ACKR2: variants seen among roughly 807,000 people sequenced by gnomAD.
The protein encoded by ACKR2 is C-C chemokine receptor D6.
For missense variants in ACKR2, 457 were observed against 477.3 expected, an observed-to-expected ratio of 0.96 and a Z score of 0.40; for synonymous variants, 207 against 192.2, an observed-to-expected ratio of 1.08 and a Z score of -0.64.
intron 2 of ACKR2, among the ~76,000 whole-genome samples, chr3:42,832,209 C>T (rs1478839168): frequency 2.0e-5 from 3 of 152,122 alleles, no homozygotes; most frequent in East Asian, 3.9e-4. Context: ...TGCCATCAGG[C>T]TAGGCGTGGT....
chr3:42,840,362 C>G (rs1439898918), intron 2 of ACKR2, among the ~76,000 whole-genome samples: 1 of 150,662 alleles, frequency 6.6e-6, no homozygotes, highest in Non-Finnish European at 1.5e-5. Flanking sequence ...GTTCGCCAGG[C>G]TGAGGGAGAC....
intron 2 of ACKR2, among the ~76,000 whole-genome samples, chr3:42,823,485 T>A (rs1700830326): frequency 6.6e-6 from 1 of 152,214 alleles, no homozygotes; most frequent in Non-Finnish European, 1.5e-5. Flanking sequence ...CCTTCGTGTC[T>A]CCAGTCATTC....
rs570651002 is a variant in ACKR2 at position 42,859,023 on chromosome 3, A to G, written c.-37-5443A>G. 3.3e-5 allele frequency among the ~76,000 whole-genome samples: 5 copies of G among 152,266 alleles called. 1 individual carries two copies. The highest frequency in any genetic ancestry group is 9.6e-5 in the African/African-American group (4 of 41,574). ...CAAAGCCTCCAAGAAATATGAGACT[A>G]TGTGAAAAGACCAAGCCTACGTTTG... On this transcript the variant is annotated intron_variant, in intron 2 of 2. Transcript: ENST00000422265.
intron 1 of ACKR2, among the ~76,000 whole-genome samples, chr3:42,809,877 G>T (rs1399296033): frequency 6.6e-6 from 1 of 150,472 alleles, no homozygotes; most frequent in Non-Finnish European, 1.5e-5. Context: ...AAAAAAAAAA[G>T]TTGGGGAAGC....
intron 2 of ACKR2, among the ~76,000 whole-genome samples, chr3:42,831,210 G>A (rs1700929039): frequency 1.3e-5 from 2 of 152,136 alleles, no homozygotes; most frequent in African/African-American, 4.8e-5. Context: ...GCTCACCTAG[G>A]AGAAGTTGCA....
intron 2 of ACKR2, among the ~76,000 whole-genome samples, chr3:42,820,638 C>CAA (rs1328603141): frequency 1.4e-5 from 2 of 145,034 alleles, no homozygotes; most frequent in African/African-American, 5.1e-5. Context: ...ACCCAACAGT[C>CAA]AAATGTTAGC....
At chr3:42,837,621 C>G (rs1332935221) in intron 2 of ACKR2, among the ~76,000 whole-genome samples, 1 of 152,064 alleles carries the variant, frequency 6.6e-6, no homozygotes, top group African/African-American at 2.4e-5. Context: ...TCTCCAGGTC[C>G]CTGGCAGATT....
chr3:42,809,698 C>T (rs935859072), intron 1 of ACKR2, among the ~76,000 whole-genome samples, 166 bp downstream of exon 1: 4 of 152,044 alleles, frequency 2.6e-5, no homozygotes, highest in South Asian at 4.1e-4. Flanking sequence ...CCCATCTCTA[C>T]TAAAAATACA....
intron 2 of ACKR2, among the ~76,000 whole-genome samples, chr3:42,862,220 A>G (rs1050972609): frequency 6.6e-6 from 1 of 152,228 alleles, no homozygotes; most frequent in African/African-American, 2.4e-5. Flanking sequence ...TACAACAGTA[A>G]CAGACAGAGA....
intron 2 of ACKR2, among the ~76,000 whole-genome samples, chr3:42,846,128 G>A (rs1385284432): frequency 5.3e-5 from 8 of 152,068 alleles, no homozygotes; most frequent in Non-Finnish European, 1.0e-4. Context: ...TACATGTAAT[G>A]CACTTGAAAC....
intron 2 of ACKR2, among the ~76,000 whole-genome samples, chr3:42,850,320 C>T (rs898049686): frequency 1.3e-5 from 2 of 152,112 alleles, no homozygotes; most frequent in African/African-American, 2.4e-5. Context: ...CTTCTTGGGA[C>T]ATTCCGTTCT....
intron 2 of ACKR2, among the ~76,000 whole-genome samples, chr3:42,857,036 C>T (rs2088328230): frequency 6.6e-6 from 1 of 151,924 alleles, no homozygotes; most frequent in African/African-American, 2.4e-5. Context: ...GGACACTTAA[C>T]CGTGGACAGT....
chr3:42,827,454 G>C (rs1325889290), intron 2 of ACKR2, among the ~76,000 whole-genome samples: 1 of 152,108 alleles, frequency 6.6e-6, no homozygotes, highest in Non-Finnish European at 1.5e-5. Context: ...GAGCCATGTT[G>C]TAACTGTATC....
intron 2 of ACKR2, chr3:42,855,951 A>T (rs1476859653): frequency 6.2e-6 from 1 of 161,542 alleles, no homozygotes; most frequent in Admixed American, 6.4e-5. Context: ...GGTCCATGTC[A>T]GCAGCTCAGA....
At chr3:42,849,491 G>T (rs1014871602) in intron 2 of ACKR2, among the ~76,000 whole-genome samples, 1 of 151,692 alleles carries the variant, frequency 6.6e-6, no homozygotes, top group African/African-American at 2.4e-5. Flanking sequence ...GCAACAGAGT[G>T]AGACTCTGTC....
chr3:42,851,845 C>A (rs1469056644), intron 2 of ACKR2, among the ~76,000 whole-genome samples: 1 of 152,140 alleles, frequency 6.6e-6, no homozygotes, highest in Non-Finnish European at 1.5e-5. Flanking sequence ...GCCAAAGTTT[C>A]ACAGCTCTGT....
Position 42,855,686 on chromosome 3 carries a change from A to T in ACKR2, c.-37-8780A>T, listed in dbSNP as rs2088309406. On this transcript the variant is annotated intron_variant, in intron 2 of 2. Transcript: ENST00000422265. ...GGCTGTGGTCATTCTTGTTGGCTTT[A>T]CTGATGAAAGTGATAGGAGGATGGT... Among the ~76,000 whole-genome samples, 3 of 152,138 alleles carry T rather than the reference A, an allele frequency of 2.0e-5. No homozygotes were observed. In the South Asian group the frequency reaches 6.2e-4, roughly 32 times the overall value.
At chr3:42,833,996 C>G (rs1330523214) in intron 2 of ACKR2, among the ~76,000 whole-genome samples, 3 of 152,102 alleles carry the variant, frequency 2.0e-5, no homozygotes, top group African/African-American at 7.2e-5. Context: ...GAGTTTCGCT[C>G]TTGTTGCCCA....
chr3:42,849,501 CA>C (rs551981172), intron 2 of ACKR2, among the ~76,000 whole-genome samples: 7,794 of 138,054 alleles, frequency 0.056, 230 homozygotes, highest in South Asian at 0.13. Context: ...GAGACTCTGT[CA>C]AAAAAAAAAA....
Sources: allele counts gnomAD v4.1 joint callset (sites outside exome capture counted in the v4.1 genomes callset), GRCh38; gene constraint gnomAD v4.1.1; transcripts MANE v1.5; gene names NCBI Gene and HGNC (gene_info 2026-07-23, HGNC 2026-07-21).